Variants in ZSCAN23 observed in about 807,000 individuals in gnomAD.
ZSCAN23 encodes zinc finger and SCAN domain-containing protein 23.
In ZSCAN23, 19 loss-of-function variants were observed where a neutral mutation model predicts 19.3. The ratio of observed to expected loss-of-function variants is 0.99; its 90% CI spans 0.69 to 1.45. The LOEUF is 1.45. ZSCAN23 is among the 40% of genes most tolerant of loss of function. ZSCAN23 has a pLI of 0.00. For missense variants in ZSCAN23, 372 were observed against 462.5 expected (o/e 0.80, Z 1.79); for synonymous variants, 140 against 166.2 (o/e 0.84, Z 1.21).
the ZSCAN23 span, among the ~76,000 whole-genome samples, chr6:28,424,484 T>C: frequency 5.9e-5 from 9 of 152,228 alleles, no homozygotes; most frequent in African/African-American, 2.2e-4. Context: ...CTCTGTGGTA[T>C]GTGATGCTGT....
chr6:28,441,098 C>A (rs1193194857), intron 1 of ZSCAN23, among the ~76,000 whole-genome samples: 1 of 152,220 alleles, frequency 6.6e-6, no homozygotes, highest in Non-Finnish European at 1.5e-5. Context: ...CTCCTAGAGC[C>A]TCAGCAAGCT....
At chr6:28,437,189 C>G (rs1427495963) in intron 1 of ZSCAN23, among the ~76,000 whole-genome samples, 1 of 152,194 alleles carries the variant, frequency 6.6e-6, no homozygotes, top group Non-Finnish European at 1.5e-5. Flanking sequence ...CTCAGAGATA[C>G]TAAAATGACG....
chr6:28,421,601 T>C, the ZSCAN23 span, among the ~76,000 whole-genome samples: 1 of 152,058 alleles, frequency 6.6e-6, no homozygotes, highest in Admixed American at 6.5e-5. Flanking sequence ...ATTTATCTGG[T>C]CAAAAAAACT....
downstream of ZSCAN23, among the ~76,000 whole-genome samples, chr6:28,429,353 C>T (rs1761711790): frequency 6.6e-6 from 1 of 152,158 alleles, no homozygotes; most frequent in Admixed American, 6.5e-5. Flanking sequence ...TTTTCTTACC[C>T]AGAGAAATTC....
intron 1 of ZSCAN23, among the ~76,000 whole-genome samples, chr6:28,441,877 T>C (rs907276261): frequency 6.7e-6 from 1 of 148,546 alleles, no homozygotes; most frequent in Non-Finnish European, 1.5e-5. Flanking sequence ...GTTGTTAATT[T>C]TTTTTTTTTT....
downstream of ZSCAN23, among the ~76,000 whole-genome samples, chr6:28,429,700 G>A (rs963019344): frequency 1.3e-5 from 2 of 152,142 alleles, no homozygotes; most frequent in Admixed American, 1.3e-4. Context: ...GTCTGATGGA[G>A]CAGACACAAA....
At chr6:28,440,771 T>C (rs1761983761) in intron 1 of ZSCAN23, among the ~76,000 whole-genome samples, 1 of 152,210 alleles carries the variant, frequency 6.6e-6, no homozygotes, top group African/African-American at 2.4e-5. Flanking sequence ...GTGTTTCAAA[T>C]CTTTATACAG....
rs1416301219 is a variant in ZSCAN23, at chr6:28,435,442, G to A, written c.556+18C>T. 5.8e-6 allele frequency: 9 copies of A among 1,549,530 alleles called. No homozygotes were observed. Among genetic ancestry groups the A allele is most frequent in the Admixed American group, 2.0e-5 (1 of 50,558 alleles). ...TCAGGGAATGAGGTAGGCTGTCTGAGGAAATCCTGATCCTCACCAATCTCT... is the reference window on the plus strand; with the variant it reads ...TCAGGGAATGAGGTAGGCTGTCTGAAGAAATCCTGATCCTCACCAATCTCT... On this transcript the variant is annotated intron_variant, in intron 3 of 3. Coordinates refer to ENST00000289788, the MANE Select transcript of ZSCAN23 (RefSeq NM_001012455.2).
At chr6:28,441,780 A>G (rs2114041878) in intron 1 of ZSCAN23, among the ~76,000 whole-genome samples, 1 of 151,874 alleles carries the variant, frequency 6.6e-6, no homozygotes, top group East Asian at 1.9e-4. Context: ...ACATGTGCAC[A>G]CATAGAGTTG....
At chr6:28,431,822 T>G (rs1472835927), downstream of ZSCAN23, 3 of 152,222 alleles carry the variant, frequency 2.0e-5, no homozygotes, top group Non-Finnish European at 4.4e-5. Context: ...TAATAATTAT[T>G]ATGAAGATGA....
chr6:28,427,040 G>T (rs190543688), downstream of ZSCAN23, among the ~76,000 whole-genome samples: 1 of 152,276 alleles, frequency 6.6e-6, no homozygotes, highest in East Asian at 1.9e-4. Flanking sequence ...TGATCCACCC[G>T]CCTCGGCCTC....
At chr6:28,442,077 A>G (rs1407546515) in intron 1 of ZSCAN23, among the ~76,000 whole-genome samples, 1 of 151,876 alleles carries the variant, frequency 6.6e-6, no homozygotes, top group East Asian at 1.9e-4. Context: ...GAGTTTCACC[A>G]TATGGGTCAG....
chr6:28,431,210 G>A (rs1761755650), downstream of ZSCAN23, among the ~76,000 whole-genome samples: 1 of 152,304 alleles, frequency 6.6e-6, no homozygotes, highest in African/African-American at 2.4e-5. Flanking sequence ...CTACACCTAA[G>A]TCTCCAACAG....
At chr6:28,426,232 C>A in the ZSCAN23 span, among the ~76,000 whole-genome samples, 1 of 152,226 alleles carries the variant, frequency 6.6e-6, no homozygotes, top group Admixed American at 6.5e-5. Flanking sequence ...AGAGGCCTAG[C>A]TTTCAACCTA....
At chr6:28,422,032 T>C in the ZSCAN23 span, among the ~76,000 whole-genome samples, 1 of 152,090 alleles carries the variant, frequency 6.6e-6, no homozygotes, top group Non-Finnish European at 1.5e-5. This position sits in a 1 kb window ranked among gnomAD's most constrained non-coding sequence, Gnocchi z 4.0. Flanking sequence ...AATATTTACA[T>C]TTGAAAGACT....
At position 28,434,509 on chromosome 6, in the gene ZSCAN23, G is replaced by A. The variant is rs780573981; in HGVS notation, c.1126C>T (p.Leu376=). 57 of 1,551,414 alleles carry A rather than the reference G, an allele frequency of 3.7e-5. No individual in the cohort carries two copies. The highest frequency in any genetic ancestry group is 4.6e-5 in the Non-Finnish European group (53 of 1,146,670). ...CGKNFIYHCN[L]IQHRKVHPVA... ...GGGTGGACTTTCCGATGCTGGATTA[G>A]GTTGCAATGGTAAATGAAGTTCTTG... The change falls in exon 4 of 4, where the codon CTA becomes TTA. Residue 376 remains leucine (L), a synonymous_variant. Transcript: ENST00000289788.
chr6:28,425,441 C>T, the ZSCAN23 span, among the ~76,000 whole-genome samples: 2 of 152,282 alleles, frequency 1.3e-5, no homozygotes, highest in East Asian at 3.9e-4. Context: ...AATCTACCCA[C>T]CTTAGCCTCC....
chr6:28,441,722 G>A (rs1762005065), intron 1 of ZSCAN23, among the ~76,000 whole-genome samples: 2 of 151,848 alleles, frequency 1.3e-5, no homozygotes, highest in Non-Finnish European at 2.9e-5. Flanking sequence ...TTAAATACTG[G>A]AATGTGTCCT....
chr6:28,426,173 C>T, the ZSCAN23 span, among the ~76,000 whole-genome samples: 2 of 152,172 alleles, frequency 1.3e-5, no homozygotes, highest in East Asian at 3.9e-4. Flanking sequence ...AGTGGTTTTA[C>T]TTCCTTCAAG....
Sources: gnomAD v4.1 joint callset for allele counts (sites outside exome capture counted in the v4.1 genomes callset) on GRCh38, gnomAD v4.1.1 for gene constraint, Gnocchi (gnomAD v3.1) non-coding constraint, MANE v1.5 for transcripts, NCBI Gene and HGNC (gene_info 2026-07-23, HGNC 2026-07-21) for gene names.